Variants in ANO1 observed in about 807,000 individuals in gnomAD.
The protein encoded by ANO1 is anoctamin 1.
Under a neutral mutation model 124.0 loss-of-function variants are expected in ANO1, and 59 were observed. That is an observed-to-expected ratio of 0.48 (90% CI 0.39 to 0.59). The LOEUF is 0.59. ANO1 is among the 20% of genes least tolerant of loss of function. The pLI is 0.00. For missense variants in ANO1, 1,059 were observed against 1,328.0 expected (o/e 0.80, Z 3.15); for synonymous variants, 529 against 532.0 (o/e 0.99, Z 0.08).
chr11:69,999,459 A>G (rs782375840), intron 1 of ANO1, among the ~76,000 whole-genome samples: 10 of 152,216 alleles, frequency 6.6e-5, no homozygotes, highest in Non-Finnish European at 1.0e-4. Flanking sequence ...TGTCCAAACT[A>G]TATCACTGTG....
chr11:70,025,435 T>C (rs1856876898), intron 1 of ANO1, among the ~76,000 whole-genome samples: 1 of 151,596 alleles, frequency 6.6e-6, no homozygotes, highest in Non-Finnish European at 1.5e-5. Context: ...CTGATGGTAA[T>C]GGTGATGACA....
intron 1 of ANO1, among the ~76,000 whole-genome samples, chr11:69,995,700 A>G (rs1223763383): frequency 6.6e-6 from 1 of 152,188 alleles, no homozygotes; most frequent in Non-Finnish European, 1.5e-5. Context: ...AGCCATTCTC[A>G]TGGCATCATA....
At chr11:70,059,065 G>A (rs1432083268) in intron 1 of ANO1, among the ~76,000 whole-genome samples, 16 of 151,966 alleles carry the variant, frequency 1.1e-4, no homozygotes, top group South Asian at 6.2e-4. Context: ...GGTGGCGGGC[G>A]CCTGCAGTCC....
At chr11:70,186,131 T>C (rs751189760) in intron 25 of ANO1, among the ~76,000 whole-genome samples, 3 of 151,572 alleles carry the variant, frequency 2.0e-5, no homozygotes, top group Non-Finnish European at 4.4e-5. Context: ...ACTAAAAATA[T>C]CAAAAATTAG....
At chr11:70,124,279 C>T in intron 8 of ANO1, 71 bp from the exon 9 acceptor site, 1 of 1,418,768 alleles carries the variant, frequency 7.0e-7, no homozygotes, top group Non-Finnish European at 9.9e-7. Context: ...TCAGTCCCCG[C>T]AGCTCTGCGT....
At chr11:70,177,752 A>G (rs926909891) in intron 22 of ANO1, among the ~76,000 whole-genome samples, 1 of 151,310 alleles carries the variant, frequency 6.6e-6, no homozygotes, top group Non-Finnish European at 1.5e-5. Flanking sequence ...GGCGCCCGCC[A>G]CCACACTCGG....
At chr11:69,984,656 A>G (rs2120264108), upstream of ANO1, among the ~76,000 whole-genome samples, 1 of 152,256 alleles carries the variant, frequency 6.6e-6, no homozygotes, top group South Asian at 2.1e-4. Context: ...TCCTCCATCC[A>G]GATGCCTTCC....
At chr11:69,999,353 G>A (rs370449234) in intron 1 of ANO1, among the ~76,000 whole-genome samples, 2 of 152,092 alleles carry the variant, frequency 1.3e-5, no homozygotes, top group African/African-American at 4.8e-5. Context: ...TATTAACCAC[G>A]CTTGAGAAAC....
intron 21 of ANO1, 78 bp from the exon 22 acceptor site, chr11:70,170,809 C>T (rs565184716): frequency 1.3e-5 from 20 of 1,522,256 alleles, no homozygotes; most frequent in South Asian, 8.9e-5. Context: ...CTGTGCGGCT[C>T]GGCACACGGG....
chr11:70,071,951 AGAT>A (rs2135141033), intron 1 of ANO1, among the ~76,000 whole-genome samples: 1 of 152,300 alleles, frequency 6.6e-6, no homozygotes, highest in Non-Finnish European at 1.5e-5. Flanking sequence ...GGACATGTTG[AGAT>A]GATATTCTTT....
In ANO1 at chr11:70,122,270, A is replaced by C. The variant is rs1421134302; in HGVS notation, c.898-2080A>C. ...TGTCTGTCTCTATCTCTGTCTCTCCATCTGCCTCTGTCTCTGTCTCTCTCT... is the reference window on the plus strand; with the variant it reads ...TGTCTGTCTCTATCTCTGTCTCTCCCTCTGCCTCTGTCTCTGTCTCTCTCT... On this transcript the variant is annotated intron_variant, in intron 8 of 25. Coordinates refer to ENST00000355303, the MANE Select transcript of ANO1 (RefSeq NM_018043.7). Among the ~76,000 whole-genome samples, 8 of 70,762 alleles carry C rather than the reference A, an allele frequency of 1.1e-4. 2 individuals carry two copies. The highest frequency in any genetic ancestry group is 4.3e-4 in the Admixed American group (2 of 4,698). 46.4% of individuals were successfully genotyped at this position (70,762 alleles called of 152,430 possible).
At chr11:70,159,776 C>T (rs778953727) in intron 16 of ANO1, among the ~76,000 whole-genome samples, 74 of 152,224 alleles carry the variant, frequency 4.9e-4, no homozygotes, top group Non-Finnish European at 9.3e-4. Context: ...CATGCTGGCA[C>T]GGGGACAGAC....
chr11:70,124,493 G>A (rs774967381), intron 9 of ANO1, 79 bp downstream of exon 9: 73 of 1,430,546 alleles, frequency 5.1e-5, no homozygotes, highest in Middle Eastern at 3.5e-4. Context: ...GGTTTCAACC[G>A]CTCTGAATGT....
At chr11:70,001,226 G>A (rs782276745) in intron 1 of ANO1, among the ~76,000 whole-genome samples, 22 of 152,194 alleles carry the variant, frequency 1.4e-4, no homozygotes, top group Non-Finnish European at 2.6e-4. Flanking sequence ...TGCTTGGTCA[G>A]GCAGCTAGCT....
chr11:70,037,352 G>A (rs1555004511), intron 1 of ANO1, among the ~76,000 whole-genome samples: 1 of 152,116 alleles, frequency 6.6e-6, no homozygotes. Flanking sequence ...TTTGGGAATA[G>A]TTAATGTATA....
rs565026223 is a variant in ANO1, at chr11:70,112,710, G to T, written c.855+948G>T. Among the ~76,000 whole-genome samples, 47 of 151,944 alleles carry T rather than the reference G, an allele frequency of 3.1e-4. No homozygotes were observed. In the South Asian group the frequency reaches 9.6e-3, roughly 31 times the overall value. On this transcript the variant is annotated intron_variant, in intron 7 of 25. Coordinates refer to ENST00000355303, the MANE Select transcript of ANO1 (RefSeq NM_018043.7). ...GTAGCTGGGACTTCAGGCGTGCACC[G>T]CTACACCCAGCTAATTGTTTGTATT... is the stretch of plus-strand genomic sequence containing the variant.
chr11:70,066,789 C>T (rs1399270779), intron 1 of ANO1, among the ~76,000 whole-genome samples: 1 of 152,142 alleles, frequency 6.6e-6, no homozygotes, highest in Non-Finnish European at 1.5e-5. Flanking sequence ...CGGAGGCTGT[C>T]CTGGCACAAC....
intron 1 of ANO1, among the ~76,000 whole-genome samples, chr11:70,028,393 C>T (rs1420065263): frequency 3.3e-5 from 5 of 152,188 alleles, no homozygotes; most frequent in Non-Finnish European, 5.9e-5. Context: ...GAAGTCCACA[C>T]TCTGCCACCC....
At chr11:69,974,933 G>A in the ANO1 span, among the ~76,000 whole-genome samples, 1 of 151,330 alleles carries the variant, frequency 6.6e-6, no homozygotes, top group East Asian at 1.9e-4. Flanking sequence ...CACACACAGA[G>A]GAATGACCAT....
Sources: gnomAD v4.1 joint callset for allele counts (sites outside exome capture counted in the v4.1 genomes callset) on GRCh38, gnomAD v4.1.1 for gene constraint, MANE v1.5 for transcripts, NCBI Gene and HGNC (gene_info 2026-07-23, HGNC 2026-07-21) for gene names.